The following CAST variants were observed in gnomAD, a reference collection of about 807,000 sequenced individuals.
The protein encoded by CAST is MIR583 host.
A neutral mutation model predicts 119.6 loss-of-function variants in CAST; 76 were observed. The ratio of observed to expected loss-of-function variants is 0.64; its 90% confidence interval spans 0.53 to 0.77. The LOEUF is 0.77. Ranked by LOEUF, CAST falls within the 30% of genes least tolerant of loss-of-function variation. CAST has a pLI of 0.00. For missense variants in CAST, 953 were observed against 946.5 expected, an observed-to-expected ratio of 1.01 and a Z score of -0.09; for synonymous variants, 319 against 331.6, an observed-to-expected ratio of 0.96 and a Z score of 0.41.
At chr5:96,654,745 A>G (rs1474560938) in intron 1 of CAST, among the ~76,000 whole-genome samples, 6 of 152,248 alleles carry the variant, frequency 3.9e-5, no homozygotes. Flanking sequence ...GAATATTGCA[A>G]TACATTTGGA....
At chr5:96,665,906 CTGTA>C (rs138567665) in intron 1 of CAST, among the ~76,000 whole-genome samples, 4,783 of 152,086 alleles carry the variant, frequency 0.031, 247 homozygotes, top group African/African-American at 0.11. Context: ...AGATGTCTGT[CTGTA>C]TGTACACATG....
the CAST span, among the ~76,000 whole-genome samples, chr5:96,416,467 T>C: frequency 1.3e-5 from 2 of 152,234 alleles, no homozygotes; most frequent in African/African-American, 4.8e-5. Context: ...TAACTATTGA[T>C]ACTATTATAA....
At chr5:96,733,239 A>G (rs1416424749) in intron 9 of CAST, among the ~76,000 whole-genome samples, 1 of 152,222 alleles carries the variant, frequency 6.6e-6, no homozygotes, top group Non-Finnish European at 1.5e-5. Context: ...CTCCAGGAAG[A>G]CACAGCACTC....
intron 22 of CAST, 88 bp from the exon 23 acceptor site, chr5:96,757,356 C>T: frequency 1.7e-6 from 2 of 1,170,682 alleles, no homozygotes; most frequent in Non-Finnish European, 2.6e-6. Context: ...CAAGTATAAC[C>T]TGTAGACCCT....
At chr5:96,498,533 G>A in the CAST span, among the ~76,000 whole-genome samples, 2 of 152,192 alleles carry the variant, frequency 1.3e-5, no homozygotes, top group Admixed American at 6.5e-5. Context: ...GCTATTGCAT[G>A]TAATTGCATT....
chr5:96,557,693 A>C (rs969138838), intron 1 of CAST, among the ~76,000 whole-genome samples: 1 of 152,222 alleles, frequency 6.6e-6, no homozygotes, highest in Non-Finnish European at 1.5e-5. Context: ...AGGAGCACCC[A>C]GATTCATAAA....
At chr5:96,152,720 C>T in the CAST span, among the ~76,000 whole-genome samples, 1 of 152,154 alleles carries the variant, frequency 6.6e-6, no homozygotes, top group Non-Finnish European at 1.5e-5. Flanking sequence ...GTAACACATG[C>T]TCAACAAAGA....
At chr5:96,195,751 G>T in the CAST span, among the ~76,000 whole-genome samples, 2 of 152,024 alleles carry the variant, frequency 1.3e-5, no homozygotes, top group African/African-American at 4.8e-5. Context: ...ATATGGATGC[G>T]CAAATTGCCA....
the CAST span, chr5:96,415,995 T>C: frequency 2.3e-6 from 3 of 1,323,018 alleles, no homozygotes; most frequent in Non-Finnish European, 3.3e-6. Context: ...AAGCTTCACA[T>C]TAAAATGCCA....
intron 1 of CAST, among the ~76,000 whole-genome samples, chr5:96,541,268 T>C (rs1745907437): frequency 6.6e-6 from 1 of 152,214 alleles, no homozygotes; most frequent in African/African-American, 2.4e-5. Context: ...CAGCTTTGGC[T>C]ACTAAGAGTT....
chr5:96,427,754 G>A, the CAST span, among the ~76,000 whole-genome samples: 1 of 152,152 alleles, frequency 6.6e-6, no homozygotes, highest in Admixed American at 6.5e-5. Context: ...AGTTCTATGT[G>A]CATTAATGGG....
At chr5:96,350,182 G>A in the CAST span, among the ~76,000 whole-genome samples, 6,267 of 152,250 alleles carry the variant, frequency 0.041, 375 homozygotes, top group African/African-American at 0.14. Context: ...AAGGGCTTCA[G>A]TATTTAAAGG....
chr5:96,063,693 G>T, the CAST span, among the ~76,000 whole-genome samples: 3 of 152,088 alleles, frequency 2.0e-5, no homozygotes, highest in South Asian at 2.1e-4. Flanking sequence ...TTAGTTGGGG[G>T]CTGTTGTAAG....
At chr5:96,743,263 C>G (rs1362057468) in intron 16 of CAST, among the ~76,000 whole-genome samples, 1 of 152,128 alleles carries the variant, frequency 6.6e-6, no homozygotes, top group African/African-American at 2.4e-5. Context: ...AGTGTTTATC[C>G]CGCCACACTC....
chr5:96,582,867 A>C (rs1746792649), intron 1 of CAST, among the ~76,000 whole-genome samples: 1 of 152,226 alleles, frequency 6.6e-6, no homozygotes, highest in Non-Finnish European at 1.5e-5. Flanking sequence ...GGCTCTTTAG[A>C]AAAGAATGTG....
At chr5:96,489,783 C>A in the CAST span, among the ~76,000 whole-genome samples, 2 of 151,934 alleles carry the variant, frequency 1.3e-5, no homozygotes, top group Non-Finnish European at 2.9e-5. Flanking sequence ...ATGCCCTGCT[C>A]TCTCTACACA....
the CAST span, among the ~76,000 whole-genome samples, chr5:96,332,380 G>C: frequency 2.6e-5 from 4 of 151,038 alleles, no homozygotes; most frequent in African/African-American, 9.7e-5. Flanking sequence ...CATTAATTTT[G>C]CTGGAATACT....
the CAST span, among the ~76,000 whole-genome samples, chr5:96,111,400 A>G: frequency 9.2e-5 from 14 of 152,290 alleles, no homozygotes; most frequent in African/African-American, 2.9e-4. Flanking sequence ...TGAAGGCTCT[A>G]TTATGTAGGC....
the CAST span, among the ~76,000 whole-genome samples, chr5:96,500,842 AAT>A: frequency 1.3e-5 from 2 of 152,216 alleles, no homozygotes; most frequent in East Asian, 3.8e-4. Context: ...GGGTTGTGAT[AAT>A]AGTCATGGAA....
Sources: gnomAD v4.1 joint callset for allele counts (sites outside exome capture counted in the v4.1 genomes callset) on GRCh38, gnomAD v4.1.1 for gene constraint, MANE v1.5 for transcripts, NCBI Gene and HGNC (gene_info 2026-07-23, HGNC 2026-07-21) for gene names.